KCNQ1: variants seen among roughly 807,000 people sequenced by gnomAD.
KCNQ1 encodes potassium voltage-gated channel subfamily Q member 1, also known as potassium voltage-gated channel subfamily KQT member 1.
A neutral mutation model predicts 72.4 loss-of-function variants in KCNQ1; 49 were observed. That is an observed-to-expected ratio of 0.68 (90% CI 0.54 to 0.86). The LOEUF is 0.86. Among genes scored for constraint, KCNQ1 ranks in the 40% least tolerant of loss-of-function variants. The probability of loss-of-function intolerance (pLI) is 0.00; values close to 1 mark genes in which losing one functional copy is unlikely to be tolerated. For synonymous variants in KCNQ1, 450 were observed against 412.6 expected (o/e 1.09, Z -1.10); for missense variants, 790 against 945.1 (o/e 0.84, Z 2.15).
intron 10 of KCNQ1, chr11:2,639,480 CA>C (rs1256993382): frequency 6.6e-6 from 1 of 152,338 alleles, no homozygotes; most frequent in African/African-American, 2.4e-5. Flanking sequence ...AGGTCCACTC[CA>C]GACCCTGTTT....
rs1846354790 is a variant in KCNQ1, at chr11:2,759,480, CCCAAGCTCGGG to C, written c.1515-9361_1515-9351del. Among the ~76,000 whole-genome samples the C allele has an allele frequency of 6.6e-6, 1 of 152,212 alleles. No individual in the cohort carries two copies. Among genetic ancestry groups the C allele is most frequent in the Non-Finnish European group, 1.5e-5 (1 of 68,024 alleles). On this transcript the variant is annotated intron_variant, in intron 11 of 15. Coordinates refer to ENST00000155840, the MANE Select transcript of KCNQ1 (RefSeq NM_000218.3). This position sits in a 1 kb window ranked among gnomAD's most constrained non-coding sequence, Gnocchi z 4.4. ...GGCGCTGTGGCCACTTAGAGGGTCCCCCAAGCTCGGGCCTTTGAAGACAGCTCTGTGTCTCC... is the reference window on the plus strand; with the variant it reads ...GGCGCTGTGGCCACTTAGAGGGTCCCCCTTTGAAGACAGCTCTGTGTCTCC...
intron 11 of KCNQ1, chr11:2,667,531 A>G (rs1037194510): frequency 6.5e-6 from 2 of 305,822 alleles, no homozygotes; most frequent in African/African-American, 4.9e-5. Flanking sequence ...GGACTTCACA[A>G]CTGCACTGAT....
chr11:2,755,962 C>T (rs231889), intron 11 of KCNQ1, among the ~76,000 whole-genome samples: 131,020 of 152,252 alleles, frequency 0.86, 56,429 homozygotes, highest in East Asian at 0.93. Flanking sequence ...CCAGTGAGTA[C>T]GTGAAGGCAC....
In KCNQ1 at chr11:2,495,919, C is replaced by T. The variant is rs1846906277; in HGVS notation, c.387-32009C>T. ...TTAATTTTCTGTCTCATTGATCTGT[C>T]TAATATTGACAGTGGAGTGTTAAAG... On this transcript the variant is annotated intron_variant, in intron 1 of 15. Transcript: ENST00000155840. The surrounding 1 kb of genome is among the most constrained non-coding windows in gnomAD (Gnocchi z 4.6). Among the ~76,000 whole-genome samples, 1 of 152,124 alleles carries T rather than the reference C, an allele frequency of 6.6e-6. No individual in the cohort carries two copies. Among genetic ancestry groups the T allele is most frequent in the Non-Finnish European group, 1.5e-5 (1 of 68,026 alleles).
rs1440170649 is a variant in KCNQ1, at chr11:2,576,991, C to T, written c.921+4005C>T. Among the ~76,000 whole-genome samples the T allele has an allele frequency of 2.6e-5, 4 of 152,226 alleles. No homozygotes were observed. In the East Asian group the frequency reaches 5.8e-4, roughly 22 times the overall value. On this transcript the variant is annotated intron_variant, in intron 6 of 15. Transcript: ENST00000155840. ...GCACCTGCTGTGTGCCTCAGTTTCT[C>T]CATCTGCACATGGGAGACAGCAGTC...
intron 6 of KCNQ1, among the ~76,000 whole-genome samples, chr11:2,581,794 G>A (rs971894267): frequency 7.9e-5 from 12 of 152,264 alleles, no homozygotes; most frequent in African/African-American, 2.7e-4. Context: ...TTGTGAGTGT[G>A]CACCCACATA....
intron 10 of KCNQ1, chr11:2,660,218 C>A: frequency 2.5e-6 from 1 of 397,618 alleles, no homozygotes; most frequent in Non-Finnish European, 4.4e-6. Context: ...TATGTAGTAC[C>A]CTTTAAATTT....
In KCNQ1 at chr11:2,674,702, G is replaced by A; in HGVS notation, c.1514+12621G>A. The A allele has an allele frequency of 2.5e-6, 1 of 398,444 alleles. No homozygotes were observed. Among genetic ancestry groups the A allele is most frequent in the Non-Finnish European group, 4.4e-6 (1 of 226,042 alleles). The allele number at this position is 398,444 out of a possible 1,614,324, so 24.7% of individuals were successfully genotyped here. ...GTTTGTTGAACCTTAAACCTTTCCT[G>A]ATGACTCCTTCCTTCTGAACTTAAC... On this transcript the variant is annotated intron_variant, in intron 11 of 15. Transcript: ENST00000155840. This position sits in a 1 kb window ranked among gnomAD's most constrained non-coding sequence, Gnocchi z 5.9.
At chr11:2,655,536 T>C (rs1395238132) in intron 10 of KCNQ1, 1 of 398,562 alleles carries the variant, frequency 2.5e-6, no homozygotes, top group Non-Finnish European at 4.4e-6. Flanking sequence ...CTCAACCTTC[T>C]CTGCAGCTGT....
At chr11:2,730,878 G>A (rs1448386395) in intron 11 of KCNQ1, among the ~76,000 whole-genome samples, 1 of 152,212 alleles carries the variant, frequency 6.6e-6, no homozygotes, top group Non-Finnish European at 1.5e-5. Flanking sequence ...GTGGCCAGAA[G>A]CAGGGCTGGG....
At position 2,782,395 on chromosome 11, in the gene KCNQ1, A is replaced by G. The variant is rs900977583; in HGVS notation, c.1794+4358A>G. Among the ~76,000 whole-genome samples, 1 of 152,214 alleles carries G rather than the reference A, an allele frequency of 6.6e-6. No individual in the cohort carries two copies. The highest frequency in any genetic ancestry group is 6.5e-5 in the Admixed American group (1 of 15,282). On this transcript the variant is annotated intron_variant, in intron 15 of 15. Coordinates refer to ENST00000155840, the MANE Select transcript of KCNQ1 (RefSeq NM_000218.3). The surrounding 1 kb of genome is among the most constrained non-coding windows in gnomAD (Gnocchi z 6.1). ...CAGTATTTATGTGTGAGATACATAC[A>G]TGACATAATTTTCCTGTCTTGTATG... is the stretch of plus-strand genomic sequence containing the variant.
In KCNQ1 at chr11:2,766,454, C is replaced by T. The variant is rs1846499406; in HGVS notation, c.1515-2390C>T. The stretch of plus-strand genomic sequence containing the variant: ...GGCTAGCTCAGACTTGTCCATGAGC[C>T]AACAGAATTCTAAGAGGGTAAGAGT... On this transcript the variant is annotated intron_variant, in intron 11 of 15. Transcript: ENST00000155840. The surrounding 1 kb of genome is among the most constrained non-coding windows in gnomAD (Gnocchi z 4.4). 1.3e-5 allele frequency among the ~76,000 whole-genome samples: 2 copies of T among 152,176 alleles called. No individual in the cohort carries two copies. Among genetic ancestry groups the T allele is most frequent in the African/African-American group, 2.4e-5 (1 of 41,440 alleles).
chr11:2,632,675 A>G (rs1375809707), intron 10 of KCNQ1: 4 of 398,278 alleles, frequency 1.0e-5, no homozygotes, highest in East Asian at 7.1e-5. Flanking sequence ...TGAGCAGTCA[A>G]AATCCTCCAT....
At chr11:2,628,215 G>C in intron 10 of KCNQ1, 1 of 398,568 alleles carries the variant, frequency 2.5e-6, no homozygotes, top group East Asian at 3.6e-5. Context: ...AATCTATCGT[G>C]TTTTCCATAA....
rs1397849020 is a variant in KCNQ1 at position 2,471,139 on chromosome 11, T to G, written c.386+25655T>G. On this transcript the variant is annotated intron_variant, in intron 1 of 15. Coordinates refer to ENST00000155840, the MANE Select transcript of KCNQ1 (RefSeq NM_000218.3). The surrounding 1 kb of genome is among the most constrained non-coding windows in gnomAD (Gnocchi z 4.8). The stretch of plus-strand genomic sequence containing the variant: ...CCTGTATCAACTCATCTCATCGATA[T>G]CTCCCAACGGCTGGGGAACAAGGGC... Among the ~76,000 whole-genome samples the G allele has an allele frequency of 6.6e-6, 1 of 151,704 alleles. No homozygotes were observed. Among genetic ancestry groups the G allele is most frequent in the Non-Finnish European group, 1.5e-5 (1 of 67,930 alleles).
rs1433822791 is a variant in KCNQ1, at chr11:2,601,101, G to T, written c.1393+12247G>T. On this transcript the variant is annotated intron_variant, in intron 10 of 15. Transcript: ENST00000155840. The surrounding 1 kb of genome is among the most constrained non-coding windows in gnomAD (Gnocchi z 5.2). ...GCTACTTGTTAAAAAAAAAAAAAAA[G>T]TCTCTCCAGATTTAAATGCTTTTGG... Among the ~76,000 whole-genome samples the T allele has an allele frequency of 1.4e-5, 2 of 142,238 alleles. No individual in the cohort carries two copies. The highest frequency in any genetic ancestry group is 1.4e-4 in the Admixed American group (2 of 14,582). 93.3% of individuals were successfully genotyped at this position (142,238 alleles called of 152,430 possible). A position where few individuals can be genotyped will look rare whatever the true frequency, so the allele number is the denominator to read the frequency against.
Position 2,678,844 on chromosome 11 carries a change from C to T in KCNQ1, c.1514+16763C>T. 1 of 398,586 alleles carries T rather than the reference C, an allele frequency of 2.5e-6. No individual in the cohort carries two copies. Among genetic ancestry groups the T allele is most frequent in the Non-Finnish European group, 4.4e-6 (1 of 226,068 alleles). The allele number at this position is 398,586 out of a possible 1,614,324, so 24.7% of individuals were successfully genotyped here. Reference sequence around the variant, plus strand: ...AGGCTCACTTCAAGGAAGGCAGAATCCAGGTCGGGGGTGCACAGGAGTTGC... The same window carrying T: ...AGGCTCACTTCAAGGAAGGCAGAATTCAGGTCGGGGGTGCACAGGAGTTGC... On this transcript the variant is annotated intron_variant, in intron 11 of 15. Coordinates refer to ENST00000155840, the MANE Select transcript of KCNQ1 (RefSeq NM_000218.3). This position sits in a 1 kb window ranked among gnomAD's most constrained non-coding sequence, Gnocchi z 4.9.
At chr11:2,527,863 TC>T in intron 1 of KCNQ1, 64 bp from the exon 2 acceptor site, 1 of 1,461,630 alleles carries the variant, frequency 6.8e-7, no homozygotes. Flanking sequence ...GCCCCTCCAC[TC>T]CCCAGGTGCA....
chr11:2,632,867 C>G (rs1849383987), intron 10 of KCNQ1: 1 of 398,326 alleles, frequency 2.5e-6, no homozygotes, highest in Admixed American at 4.4e-5. Context: ...GTGAACAGTA[C>G]TGCAATAAAC....
Sources: allele counts gnomAD v4.1 joint callset (sites outside exome capture counted in the v4.1 genomes callset), GRCh38; gene constraint gnomAD v4.1.1; non-coding constraint Gnocchi (gnomAD v3.1); transcripts MANE v1.5; gene names NCBI Gene and HGNC (gene_info 2026-07-23, HGNC 2026-07-21).